MAP6: variants seen among roughly 807,000 people sequenced by gnomAD.
The protein encoded by MAP6 is microtubule-associated protein 6.
MAP6 carries 26 observed loss-of-function variants against 42.4 expected under a neutral mutation model. The observed-to-expected ratio is 0.61, with a 90% CI of 0.45 to 0.85. The LOEUF (loss-of-function observed/expected upper bound fraction) is 0.85, where lower values mean the gene tolerates loss of function less well. Among genes scored for constraint, MAP6 ranks in the 40% least tolerant of loss-of-function variants. The pLI, the probability that MAP6 is intolerant of heterozygous loss-of-function variation, is 0.00. For missense variants in MAP6, 966 were observed against 1,099.0 expected, an observed-to-expected ratio of 0.88 and a Z score of 1.71; for synonymous variants, 418 against 443.8, an observed-to-expected ratio of 0.94 and a Z score of 0.73.
chr11:75,642,176 T>C (rs1039756930), intron 1 of MAP6, among the ~76,000 whole-genome samples: 1 of 152,254 alleles, frequency 6.6e-6, no homozygotes, highest in African/African-American at 2.4e-5. Context: ...GATGTGCTTC[T>C]GCGCAGCTCT....
intron 1 of MAP6, among the ~76,000 whole-genome samples, chr11:75,627,629 G>A (rs1325165890): frequency 6.6e-6 from 1 of 152,138 alleles, no homozygotes; most frequent in African/African-American, 2.4e-5. Context: ...AGATGACAGA[G>A]AAGCTTCTTG....
Position 75,667,710 on chromosome 11 carries a change from G to T in MAP6, c.660C>A (p.Gly220=), listed in dbSNP as rs576681430. Residue 220 remains glycine, a synonymous_variant, in exon 1 of 4, where the codon GGC becomes GGA. Coordinates refer to ENST00000304771, the MANE Select transcript of MAP6 (RefSeq NM_033063.2). The surrounding 1 kb of genome is among the most constrained non-coding windows in gnomAD (Gnocchi z 5.6). The part of the protein sequence containing the change: ...AEAREQEAAP[G]GAGGLAAGKA... ...TTCCGGCCGCCAGGCCACCCGCTCC[G>T]CCGGGGGCCGCCTCCTGCTCCCGGG... 1.6e-6 allele frequency: 2 copies of T among 1,284,890 alleles called. No individual in the cohort carries two copies. Among genetic ancestry groups the T allele is most frequent in the African/African-American group, 1.6e-5 (1 of 64,408 alleles). 79.6% of individuals were successfully genotyped at this position (1,284,890 alleles called of 1,614,324 possible).
At chr11:75,589,989 G>A (rs75393006) in intron 3 of MAP6, among the ~76,000 whole-genome samples, 3,489 of 152,260 alleles carry the variant, frequency 0.023, 85 homozygotes, top group Non-Finnish European at 0.037. Context: ...GGCTGTCCCT[G>A]AGCATCACAG....
intron 1 of MAP6, among the ~76,000 whole-genome samples, chr11:75,641,864 A>G (rs1349982428): frequency 2.0e-5 from 3 of 152,198 alleles, no homozygotes. Context: ...CTCAAATGTT[A>G]GTATTTCAGG....
chr11:75,610,520 G>A (rs1565260472), intron 1 of MAP6, among the ~76,000 whole-genome samples: 1 of 152,260 alleles, frequency 6.6e-6, no homozygotes, highest in East Asian at 1.9e-4. Context: ...ATTTAGTGGG[G>A]AAGGGCATAA....
intron 1 of MAP6, among the ~76,000 whole-genome samples, chr11:75,653,679 A>T (rs915607055): frequency 2.6e-5 from 4 of 152,230 alleles, no homozygotes; most frequent in Non-Finnish European, 5.9e-5. Flanking sequence ...CAAAGTGGCA[A>T]AAGCCAGGCC....
rs182208551 is a variant in MAP6 at position 75,601,986 on chromosome 11, C to T, written c.1316+3822G>A. Reference sequence around the variant, plus strand: ...CTTCGTGCCCCACTGTGATCAGAGGCGGGGTCTCAGTCATCCTGGTTTCCC... The same window carrying T: ...CTTCGTGCCCCACTGTGATCAGAGGTGGGGTCTCAGTCATCCTGGTTTCCC... On this transcript the variant is annotated intron_variant, in intron 3 of 3. Coordinates refer to ENST00000304771, the MANE Select transcript of MAP6 (RefSeq NM_033063.2). Among the ~76,000 whole-genome samples the T allele has an allele frequency of 1.2e-3, 180 of 151,972 alleles. 1 individual carries two copies. Among genetic ancestry groups the T allele is most frequent in the Middle Eastern group, 6.8e-3 (2 of 294 alleles).
chr11:75,593,561 A>G (rs1399293056), intron 3 of MAP6, among the ~76,000 whole-genome samples: 1 of 152,180 alleles, frequency 6.6e-6, no homozygotes, highest in Non-Finnish European at 1.5e-5. Context: ...TAGTCCATCC[A>G]CGTGGTTTTT....
intron 1 of MAP6, among the ~76,000 whole-genome samples, chr11:75,613,944 CA>C (rs1942951807): frequency 6.6e-6 from 1 of 152,210 alleles, no homozygotes; most frequent in African/African-American, 2.4e-5. Flanking sequence ...GCCATATAGT[CA>C]CATTCACAGC....
rs1943988155 is a variant in MAP6, at chr11:75,667,900, T to A, written c.470A>T (p.Gln157Leu). The A allele has an allele frequency of 1.4e-6, 2 of 1,430,258 alleles. No individual in the cohort carries two copies. Among genetic ancestry groups the A allele is most frequent in the Non-Finnish European group, 1.8e-6 (2 of 1,088,052 alleles). 88.6% of individuals were successfully genotyped at this position (1,430,258 alleles called of 1,614,324 possible). The change falls in exon 1 of 4, where the codon CAG (glutamine) becomes CTG (leucine). Residue 157 changes from glutamine to leucine, a missense_variant. This residue lies in a region of MAP6 where 943 missense variants were observed against 1,049.9 expected (regional missense o/e 0.90). Transcript: ENST00000304771. This position sits in a 1 kb window ranked among gnomAD's most constrained non-coding sequence, Gnocchi z 5.6. ...DAPFERETQY[Q>L]KDFRAWPLPR... ...CAGCGGCCAGGCGCGGAAGTCCTTCTGGTACTGGGTCTCGCGCTCGAAGGG... is the reference window on the plus strand; with the variant it reads ...CAGCGGCCAGGCGCGGAAGTCCTTCAGGTACTGGGTCTCGCGCTCGAAGGG...
chr11:75,616,364 G>A (rs1190582106), intron 1 of MAP6, among the ~76,000 whole-genome samples: 1 of 152,194 alleles, frequency 6.6e-6, no homozygotes, highest in African/African-American at 2.4e-5. Flanking sequence ...AGAAGACAGT[G>A]CTTTTAAGTC....
At chr11:75,643,268 A>G (rs1943505613) in intron 1 of MAP6, among the ~76,000 whole-genome samples, 1 of 151,768 alleles carries the variant, frequency 6.6e-6, no homozygotes, top group Non-Finnish European at 1.5e-5. Flanking sequence ...AGAGCTGGTT[A>G]TTCACATTTG....
intron 1 of MAP6, among the ~76,000 whole-genome samples, chr11:75,653,185 A>G (rs1943678569): frequency 1.3e-5 from 2 of 152,232 alleles, no homozygotes; most frequent in African/African-American, 4.8e-5. Flanking sequence ...CATTCTTCCA[A>G]CACTGGTTGA....
At position 75,608,109 on chromosome 11, in the gene MAP6, C is replaced by T; in HGVS notation, c.1119G>A (p.Lys373=). 1 of 1,613,558 alleles carries T rather than the reference C, an allele frequency of 6.2e-7. No individual in the cohort carries two copies. Among genetic ancestry groups the T allele is most frequent in the Non-Finnish European group, 8.5e-7 (1 of 1,179,976 alleles). Reference sequence around the variant, plus strand: ...TGGGTTCCCACAAGGTCTGTCTCACCTTTGGGGGTTCCTTGAAGGGTTCGC... The same window carrying T: ...TGGGTTCCCACAAGGTCTGTCTCACTTTTGGGGGTTCCTTGAAGGGTTCGC... ...LYSEPFKEPP[K]VEKPSVQSSK... is the part of the protein sequence containing the mutation. Residue 373 remains lysine (K), a splice_region_variant and synonymous_variant, in exon 2 of 4, where the codon AAG becomes AAA. Transcript: ENST00000304771.
Position 75,667,713 on chromosome 11 carries a change from G to A in MAP6, c.657C>T (p.Pro219=). Residue 219 remains proline (P), a synonymous_variant, in exon 1 of 4, where the codon CCC becomes CCT. Transcript: ENST00000304771. The surrounding 1 kb of genome is among the most constrained non-coding windows in gnomAD (Gnocchi z 5.6). The part of the protein sequence containing the change: ...AAEAREQEAA[P]GGAGGLAAGK... ...CGGCCGCCAGGCCACCCGCTCCGCC[G>A]GGGGCCGCCTCCTGCTCCCGGGCCT... The A allele has an allele frequency of 7.8e-7, 1 of 1,284,374 alleles. No individual in the cohort carries two copies. The highest frequency in any genetic ancestry group is 2.6e-5 in the South Asian group (1 of 38,342). The allele number at this position is 1,284,374 out of a possible 1,614,324, so 79.6% of individuals were successfully genotyped here.
At chr11:75,625,260 T>C (rs1201229240) in intron 1 of MAP6, among the ~76,000 whole-genome samples, 1 of 152,152 alleles carries the variant, frequency 6.6e-6, no homozygotes, top group African/African-American at 2.4e-5. Context: ...GGATGGCAGG[T>C]CCAAGCCCAT....
chr11:75,626,341 A>C (rs1590783040), intron 1 of MAP6, among the ~76,000 whole-genome samples: 1 of 152,204 alleles, frequency 6.6e-6, no homozygotes. Context: ...CAGTAGAGGC[A>C]AAGAAGGTGG....
At chr11:75,617,952 G>A (rs1943032124) in intron 1 of MAP6, among the ~76,000 whole-genome samples, 1 of 152,150 alleles carries the variant, frequency 6.6e-6, no homozygotes, top group Non-Finnish European at 1.5e-5. Context: ...CCCTAGACTG[G>A]AAATGGAAAT....
intron 1 of MAP6, among the ~76,000 whole-genome samples, chr11:75,626,638 C>T (rs1305412648): frequency 2.6e-5 from 4 of 152,174 alleles, no homozygotes; most frequent in East Asian, 3.8e-4. Context: ...ATTATAATAT[C>T]GGTACCCTTT....
Sources: gnomAD v4.1 joint callset for allele counts (sites outside exome capture counted in the v4.1 genomes callset) on GRCh38, gnomAD v4.1.1 for gene constraint, gnomAD v4.1.1 regional missense constraint, Gnocchi (gnomAD v3.1) non-coding constraint, MANE v1.5 for transcripts, NCBI Gene and HGNC (gene_info 2026-07-23, HGNC 2026-07-21) for gene names.